NR6A1: variants seen among roughly 807,000 people sequenced by gnomAD.
NR6A1 encodes retinoic acid receptor-related testis-associated receptor.
In NR6A1, 7 loss-of-function variants were observed where a neutral mutation model predicts 59.1. The ratio of observed to expected loss-of-function variants is 0.12; its 90% confidence interval spans 0.07 to 0.22. The LOEUF (loss-of-function observed/expected upper bound fraction) is 0.22. NR6A1 is among the 10% of genes least tolerant of loss of function. The probability of loss-of-function intolerance (pLI) is 1.00; values close to 1 mark genes in which losing one functional copy is unlikely to be tolerated. For missense variants in NR6A1, 468 were observed against 611.6 expected (o/e 0.77, Z 2.48); for synonymous variants, 243 against 236.1 (o/e 1.03, Z -0.27).
At chr9:124,658,161 C>G (rs1364851308) in intron 2 of NR6A1, among the ~76,000 whole-genome samples, 1 of 152,162 alleles carries the variant, frequency 6.6e-6, no homozygotes, top group Non-Finnish European at 1.5e-5. Flanking sequence ...GAGGTGTAAG[C>G]AACCTCTGGG....
chr9:124,725,089 A>G (rs1326907197), intron 2 of NR6A1, among the ~76,000 whole-genome samples: 1 of 152,156 alleles, frequency 6.6e-6, no homozygotes, highest in African/African-American at 2.4e-5. Flanking sequence ...TTACAGCTAC[A>G]CGGTAAACAC....
chr9:124,662,070 A>G (rs1187380125), intron 2 of NR6A1, among the ~76,000 whole-genome samples: 1 of 144,058 alleles, frequency 6.9e-6, no homozygotes, highest in African/African-American at 2.7e-5. Flanking sequence ...AATACCTTTA[A>G]AAAAAAAAAA....
rs189206863 is a variant in NR6A1, at chr9:124,571,427, C to T, written c.143-16857G>A. 3.3e-5 allele frequency among the ~76,000 whole-genome samples: 5 copies of T among 152,292 alleles called. No individual in the cohort carries two copies. The East Asian group carries it at 9.7e-4, about 29-fold the overall frequency. ...GAATCTGCAGTAGATATCTTTCTGG[C>T]TGTCTGCTCAGCCCACACCAATCTT... On this transcript the variant is annotated intron_variant, in intron 2 of 9. Coordinates refer to ENST00000487099, the MANE Select transcript of NR6A1 (RefSeq NM_033334.4).
Position 124,643,760 on chromosome 9 carries a change from C to CAA in NR6A1, c.143-89192_143-89191dup, listed in dbSNP as rs1185801928. ...AGAGTGAGATCCCATCTCAAAAAAA[C>CAA]AAAAAAAAAAAAAAAGAGAGAGAGA... On this transcript the variant is annotated intron_variant, in intron 2 of 9. Coordinates refer to ENST00000487099, the MANE Select transcript of NR6A1 (RefSeq NM_033334.4). Among the ~76,000 whole-genome samples, 204 of 127,296 alleles carry CAA rather than the reference C, an allele frequency of 1.6e-3. 2 individuals carry two copies. The highest frequency in any genetic ancestry group is 3.5e-3 in the African/African-American group (129 of 36,566). The allele number at this position is 127,296 out of a possible 152,430, so 83.5% of individuals were successfully genotyped here.
chr9:124,652,116 C>T (rs1380883266), intron 2 of NR6A1, among the ~76,000 whole-genome samples: 1 of 152,174 alleles, frequency 6.6e-6, no homozygotes, highest in Non-Finnish European at 1.5e-5. Context: ...CTAGCCCCAA[C>T]CCCTAAGTCT....
Position 124,540,043 on chromosome 9 carries a change from G to A in NR6A1, c.586C>T (p.Leu196=). 3 of 1,597,998 alleles carry A rather than the reference G, an allele frequency of 1.9e-6. No individual in the cohort carries two copies. Among genetic ancestry groups the A allele is most frequent in the South Asian group, 1.1e-5 (1 of 88,920 alleles). Residue 196 remains leucine, a synonymous_variant, in exon 5 of 10, where the codon CTG becomes TTG. Transcript: ENST00000487099. ...TGCCTTAAAGCTCACCTGGAAGACA[G>A]TGTGGAGCCTGGTGAGGGCTGGTTG... ...ESNQPSPGST[L]SSSRSVELNG...
At chr9:124,704,729 G>C (rs1381114715) in intron 2 of NR6A1, among the ~76,000 whole-genome samples, 3 of 151,706 alleles carry the variant, frequency 2.0e-5, no homozygotes, top group Non-Finnish European at 4.4e-5. Flanking sequence ...TTTTCATTTA[G>C]TTAAAAAAAA....
intron 2 of NR6A1, among the ~76,000 whole-genome samples, chr9:124,578,979 G>A (rs1377390056): frequency 1.3e-5 from 2 of 152,186 alleles, no homozygotes; most frequent in Non-Finnish European, 1.5e-5. Flanking sequence ...CCCACAAGGT[G>A]CTATAGAATT....
chr9:124,723,764 A>C (rs1478081122), intron 2 of NR6A1, among the ~76,000 whole-genome samples: 1 of 152,222 alleles, frequency 6.6e-6, no homozygotes, highest in Non-Finnish European at 1.5e-5. Context: ...ACAGCAACCC[A>C]ATAAAATAAA....
chr9:124,704,226 T>C (rs1341560929), intron 2 of NR6A1, among the ~76,000 whole-genome samples: 1 of 152,252 alleles, frequency 6.6e-6, no homozygotes, highest in Non-Finnish European at 1.5e-5. Context: ...CTTTCATTCC[T>C]GACTTTGGTA....
intron 2 of NR6A1, among the ~76,000 whole-genome samples, chr9:124,629,641 C>T (rs896890403): frequency 6.6e-6 from 1 of 152,192 alleles, no homozygotes; most frequent in East Asian, 1.9e-4. Context: ...TGTTAGGCCT[C>T]TCACTTTCTT....
intron 2 of NR6A1, among the ~76,000 whole-genome samples, chr9:124,667,034 C>A (rs1279912615): frequency 6.6e-6 from 1 of 151,822 alleles, no homozygotes; most frequent in Non-Finnish European, 1.5e-5. Flanking sequence ...CTATTATCCA[C>A]CCTACTTTTT....
intron 2 of NR6A1, among the ~76,000 whole-genome samples, chr9:124,727,391 T>A (rs1276402046): frequency 6.6e-6 from 1 of 152,210 alleles, no homozygotes; most frequent in East Asian, 1.9e-4. Context: ...TAAAATGGCA[T>A]AATAATTCTG....
chr9:124,659,439 G>C (rs1247989411), intron 2 of NR6A1, among the ~76,000 whole-genome samples: 1 of 152,228 alleles, frequency 6.6e-6, no homozygotes, highest in African/African-American at 2.4e-5. Context: ...TAGTGAGGGA[G>C]AGAAGTATGG....
chr9:124,533,817 AT>A (rs1833169940), intron 7 of NR6A1, among the ~76,000 whole-genome samples: 1 of 151,976 alleles, frequency 6.6e-6, no homozygotes, highest in Non-Finnish European at 1.5e-5. Context: ...TGCCCGGCTA[AT>A]TTTTGTATTT....
chr9:124,553,386 A>G (rs968547095), intron 3 of NR6A1, among the ~76,000 whole-genome samples: 1 of 151,998 alleles, frequency 6.6e-6, no homozygotes, highest in African/African-American at 2.4e-5. Flanking sequence ...AGGACTTTTC[A>G]TCTCAGTTCC....
At chr9:124,621,562 G>C (rs1836077604) in intron 2 of NR6A1, among the ~76,000 whole-genome samples, 1 of 151,840 alleles carries the variant, frequency 6.6e-6, no homozygotes, top group African/African-American at 2.4e-5. Context: ...GATACGGTGG[G>C]AGTATCACTT....
At chr9:124,707,261 C>A (rs947904467) in intron 2 of NR6A1, among the ~76,000 whole-genome samples, 1 of 152,112 alleles carries the variant, frequency 6.6e-6, no homozygotes, top group African/African-American at 2.4e-5. Context: ...ATTCTTTCAT[C>A]ACCTCAAACC....
intron 1 of NR6A1, among the ~76,000 whole-genome samples, chr9:124,741,816 C>T (rs1022661598): frequency 6.6e-6 from 1 of 152,136 alleles, no homozygotes; most frequent in African/African-American, 2.4e-5. Context: ...AATGACTTCA[C>T]CCTCTGGGCC....
Sources: gnomAD v4.1 joint callset for allele counts (sites outside exome capture counted in the v4.1 genomes callset) on GRCh38, gnomAD v4.1.1 for gene constraint, MANE v1.5 for transcripts, NCBI Gene and HGNC (gene_info 2026-07-23, HGNC 2026-07-21) for gene names.